The following HTR1F variants were observed in gnomAD, a reference collection of about 807,000 sequenced individuals.
The protein encoded by HTR1F is 5-hydroxytryptamine (serotonin) receptor 1F, G protein-coupled.
HTR1F carries 17 observed loss-of-function variants against 24.0 expected under a neutral mutation model. The ratio of observed to expected loss-of-function variants is 0.71; its 90% CI spans 0.48 to 1.06. HTR1F has a LOEUF of 1.06. Among genes scored for constraint, HTR1F ranks in the 50% least tolerant of loss-of-function variants. The pLI is 0.00. For synonymous variants in HTR1F, 186 were observed against 156.8 expected, an observed-to-expected ratio of 1.19 and a Z score of -1.39; for missense variants, 391 against 427.8, an observed-to-expected ratio of 0.91 and a Z score of 0.76.
intron 2 of HTR1F, among the ~76,000 whole-genome samples, chr3:87,987,448 A>G (rs1366571581): frequency 6.6e-6 from 1 of 151,460 alleles, no homozygotes; most frequent in African/African-American, 2.4e-5. Flanking sequence ...GCCTAAGCAC[A>G]CCATTACATC....
intron 2 of HTR1F, among the ~76,000 whole-genome samples, chr3:87,933,738 A>C (rs925954831): frequency 2.6e-5 from 4 of 152,210 alleles, no homozygotes; most frequent in African/African-American, 9.6e-5. Context: ...TTCCATGCTC[A>C]TGGGTAGGAA....
chr3:87,975,523 G>A (rs755095906), intron 2 of HTR1F, among the ~76,000 whole-genome samples: 86 of 151,950 alleles, frequency 5.7e-4, no homozygotes, highest in African/African-American at 6.5e-4. Flanking sequence ...ATTATGTCCC[G>A]TTCTTCAGTG....
At chr3:87,959,832 T>C (rs1310781608) in intron 2 of HTR1F, among the ~76,000 whole-genome samples, 1 of 151,434 alleles carries the variant, frequency 6.6e-6, no homozygotes, top group East Asian at 1.9e-4. Context: ...GTAACTTAAC[T>C]AGTGAAGTAA....
At chr3:87,832,617 C>T (rs1257822226) in intron 2 of HTR1F, among the ~76,000 whole-genome samples, 6 of 152,086 alleles carry the variant, frequency 3.9e-5, no homozygotes, top group Admixed American at 2.6e-4. Flanking sequence ...CGTGAGCCAC[C>T]GCGCCCAGCC....
chr3:87,795,627 T>C (rs1424395134), intron 1 of HTR1F, among the ~76,000 whole-genome samples: 5 of 152,154 alleles, frequency 3.3e-5, no homozygotes, highest in Non-Finnish European at 7.4e-5. Context: ...GAAACATATG[T>C]AGTGATCCAA....
At chr3:87,813,673 T>C (rs1467110773) in intron 1 of HTR1F, among the ~76,000 whole-genome samples, 8 of 152,164 alleles carry the variant, frequency 5.3e-5, no homozygotes, top group Non-Finnish European at 1.0e-4. Context: ...TCTCCACGTG[T>C]CGAGAGGGAC....
Position 87,842,578 on chromosome 3 carries a change from G to A in HTR1F, c.-43+20454G>A, listed in dbSNP as rs148701709. ...AAGTTTCAATAAAATAATTTCCTGG[G>A]GAAAAAAACCGTCTTAAATAATGAC... On this transcript the variant is annotated intron_variant, in intron 2 of 2. Transcript: ENST00000319595. Among the ~76,000 whole-genome samples, 366 of 151,408 alleles carry A rather than the reference G, an allele frequency of 2.4e-3. 10 individuals carry two copies. The highest frequency in any genetic ancestry group is 6.6e-3 in the African/African-American group (269 of 41,066).
At chr3:87,803,467 C>T (rs1704026115) in intron 1 of HTR1F, among the ~76,000 whole-genome samples, 1 of 152,070 alleles carries the variant, frequency 6.6e-6, no homozygotes, top group African/African-American at 2.4e-5. Context: ...CAGATTGATG[C>T]ACTTTTTAAA....
At chr3:87,905,746 A>C (rs1195367730) in intron 2 of HTR1F, among the ~76,000 whole-genome samples, 1 of 152,142 alleles carries the variant, frequency 6.6e-6, no homozygotes, top group Non-Finnish European at 1.5e-5. Context: ...AAAAAAAAAA[A>C]AAATGGAAAC....
intron 2 of HTR1F, among the ~76,000 whole-genome samples, chr3:87,850,195 C>A (rs1423126609): frequency 6.6e-6 from 1 of 151,930 alleles, no homozygotes; most frequent in East Asian, 1.9e-4. Context: ...ATAGCAAAGA[C>A]GTGGAACCAG....
chr3:87,990,878 T>C lies in HTR1F; in HGVS notation c.129T>C (p.Leu43=). Reference sequence around the variant, plus strand: ...TGATGACAACAACTATCAACTCCCTTGTGATCGCTGCAATTATTGTGACCC... The same window carrying C: ...TGATGACAACAACTATCAACTCCCTCGTGATCGCTGCAATTATTGTGACCC... ...LALMTTTINS[L]VIAAIIVTRK... The change falls in exon 3 of 3, where the codon CTT becomes CTC. Residue 43 remains leucine (L), a synonymous_variant. Coordinates refer to ENST00000319595, the MANE Select transcript of HTR1F (RefSeq NM_001322209.2). 6.2e-7 allele frequency: 1 copy of C among 1,614,210 alleles called. No individual in the cohort carries two copies. Among genetic ancestry groups the C allele is most frequent in the Non-Finnish European group, 8.5e-7 (1 of 1,180,026 alleles).
chr3:87,901,378 A>G (rs999211132), intron 2 of HTR1F, among the ~76,000 whole-genome samples: 19 of 152,228 alleles, frequency 1.2e-4, no homozygotes, highest in African/African-American at 4.6e-4. Context: ...GAAAGACCAC[A>G]TGAAGAGATG....
Position 87,954,567 on chromosome 3 carries a change from A to C in HTR1F, c.-42-36141A>C, listed in dbSNP as rs374006710. 3.8e-4 allele frequency among the ~76,000 whole-genome samples: 58 copies of C among 151,846 alleles called. 1 individual carries two copies. Among genetic ancestry groups the C allele is most frequent in the African/African-American group, 1.1e-3 (46 of 41,552 alleles). ...GTAGAAATTCTATAGTATAAAGCAA[A>C]AGAAAATTTAAGGGATCAACAGGGG... On this transcript the variant is annotated intron_variant, in intron 2 of 2. Coordinates refer to ENST00000319595, the MANE Select transcript of HTR1F (RefSeq NM_001322209.2).
At chr3:87,797,537 G>A (rs1703925120) in intron 1 of HTR1F, among the ~76,000 whole-genome samples, 3 of 152,094 alleles carry the variant, frequency 2.0e-5, no homozygotes, top group Admixed American at 2.0e-4. Context: ...GAAGGAAACT[G>A]GATGGTAGGG....
At chr3:87,916,641 T>C (rs1223015089) in intron 2 of HTR1F, among the ~76,000 whole-genome samples, 1 of 152,158 alleles carries the variant, frequency 6.6e-6, no homozygotes, top group Non-Finnish European at 1.5e-5. Context: ...GGACAGTCTA[T>C]GATGGTAAAA....
intron 2 of HTR1F, among the ~76,000 whole-genome samples, chr3:87,918,624 T>C (rs150295002): frequency 1.1e-3 from 164 of 151,900 alleles, no homozygotes; most frequent in African/African-American, 3.8e-3. Context: ...CCTTTTACAA[T>C]AGCTGCAAAA....
In HTR1F at chr3:87,902,498, G is replaced by A. The variant is rs186480868; in HGVS notation, c.-43+80374G>A. On this transcript the variant is annotated intron_variant, in intron 2 of 2. Coordinates refer to ENST00000319595, the MANE Select transcript of HTR1F (RefSeq NM_001322209.2). ...AACGTACTTCATGACCTTGGGGTAGGCCAAAGTTTTTTAAACAGGACCAAA... is the reference window on the plus strand; with the variant it reads ...AACGTACTTCATGACCTTGGGGTAGACCAAAGTTTTTTAAACAGGACCAAA... Among the ~76,000 whole-genome samples, 32 of 152,100 alleles carry A rather than the reference G, an allele frequency of 2.1e-4. No individual in the cohort carries two copies. In the East Asian group the frequency reaches 5.6e-3, roughly 27 times the overall value.
At chr3:87,861,649 G>A (rs1575957787) in intron 2 of HTR1F, among the ~76,000 whole-genome samples, 1 of 152,138 alleles carries the variant, frequency 6.6e-6, no homozygotes, top group Admixed American at 6.6e-5. Flanking sequence ...GAAGTTTGAG[G>A]CCTTGGAGCT....
intron 2 of HTR1F, among the ~76,000 whole-genome samples, chr3:87,892,800 G>C (rs756745220): frequency 6.6e-6 from 1 of 151,750 alleles, no homozygotes; most frequent in Non-Finnish European, 1.5e-5. Flanking sequence ...CATTTAGTTT[G>C]CATCTGGATC....
Sources: allele counts gnomAD v4.1 joint callset (sites outside exome capture counted in the v4.1 genomes callset), GRCh38; gene constraint gnomAD v4.1.1; transcripts MANE v1.5; gene names NCBI Gene and HGNC (gene_info 2026-07-23, HGNC 2026-07-21).